Variants in FAM234A observed in about 807,000 individuals in gnomAD.
The protein encoded by FAM234A is family with sequence similarity 234 member A, also known as protein FAM234A.
A neutral mutation model predicts 49.1 loss-of-function variants in FAM234A; 42 were observed. The ratio of observed to expected loss-of-function variants is 0.86; its 90% CI spans 0.67 to 1.11. The LOEUF (loss-of-function observed/expected upper bound fraction) is 1.11, where lower values mean the gene tolerates loss of function less well. Ranked by LOEUF, FAM234A falls within the 50% of genes least tolerant of loss-of-function variation. FAM234A has a pLI of 0.00. For missense variants in FAM234A, 815 were observed against 745.2 expected, an observed-to-expected ratio of 1.09 and a Z score of -1.09; for synonymous variants, 369 against 316.2, an observed-to-expected ratio of 1.17 and a Z score of -1.77.
rs748208304 is a variant in FAM234A at position 261,421 on chromosome 16, G to A, written c.615G>A (p.Gly205=). Residue 205 remains glycine, a synonymous_variant, in exon 6 of 13, where the codon GGG becomes GGA. Coordinates refer to ENST00000399932, the MANE Select transcript of FAM234A (RefSeq NM_032039.4). ...TLWNHSSSFS[G]NASILSPLLQ... is the part of the protein sequence containing the mutation. ...GGAACCACAGCAGCAGCTTCAGCGG[G>A]AATGCGTCCATCCTGAGCCCTCTGC... 1.2e-6 allele frequency: 2 copies of A among 1,613,286 alleles called. No homozygotes were observed. Among genetic ancestry groups the A allele is most frequent in the Non-Finnish European group, 8.5e-7 (1 of 1,179,558 alleles).
In FAM234A at chr16:264,630, G is replaced by A. The variant is rs778697420; in HGVS notation, c.1361G>A (p.Arg454Gln). 24 of 1,610,488 alleles carry A rather than the reference G, an allele frequency of 1.5e-5. No individual in the cohort carries two copies. Among genetic ancestry groups the A allele is most frequent in the Admixed American group, 1.2e-4 (7 of 59,974 alleles). ...STSETETGEARHSLYMFHPTL... is the reference protein window; with the variant it reads ...STSETETGEAQHSLYMFHPTL... ...TCGCTCCAGGAGACCGGGGAGGCCC[G>A]GCACAGCCTGTACATGTTCCACCCC... The change falls in exon 12 of 13, where the codon CGG becomes CAG. Residue 454 changes from arginine to glutamine, a missense_variant. Coordinates refer to ENST00000399932, the MANE Select transcript of FAM234A (RefSeq NM_032039.4).
chr16:263,989 C>T (rs2051589633), intron 10 of FAM234A, 27 bp from the exon 11 acceptor site: 2 of 1,599,610 alleles, frequency 1.3e-6, no homozygotes, highest in Non-Finnish European at 8.5e-7. Flanking sequence ...CCCACGTTGG[C>T]CCCCACAGTG....
At chr16:252,185 GTTT>G (rs35208632) in intron 2 of FAM234A, among the ~76,000 whole-genome samples, 3 of 119,832 alleles carry the variant, frequency 2.5e-5, no homozygotes, top group Non-Finnish European at 3.4e-5. Flanking sequence ...TCTGTTTTTT[GTTT>G]TTTTTTTTTT....
At chr16:236,283 CTGAG>C (rs1274980601) in intron 1 of FAM234A, among the ~76,000 whole-genome samples, 3 of 151,800 alleles carry the variant, frequency 2.0e-5, no homozygotes, top group African/African-American at 4.8e-5. Flanking sequence ...CTCCACCCTC[CTGAG>C]TATCTGGGAC....
rs1181504685 is a variant in FAM234A at position 265,985 on chromosome 16, G to C, written c.*963G>C. The C allele has an allele frequency of 7.0e-5, 69 of 985,890 alleles. No homozygotes were observed. Among genetic ancestry groups the C allele is most frequent in the African/African-American group, 8.7e-5 (5 of 57,238 alleles). 61.1% of individuals were successfully genotyped at this position (985,890 alleles called of 1,614,324 possible). A position where few individuals can be genotyped will look rare whatever the true frequency, so the allele number is the denominator to read the frequency against. ...GGCCCAAGGGCAGCCATGGTGCTCT[G>C]TACTGCTCGGGCCGCCCAGGTCACA... On this transcript the variant is annotated 3_prime_UTR_variant, in exon 13 of 13. Coordinates refer to ENST00000399932, the MANE Select transcript of FAM234A (RefSeq NM_032039.4).
At chr16:251,059 C>T (rs769354919) in intron 2 of FAM234A, among the ~76,000 whole-genome samples, 2 of 152,160 alleles carry the variant, frequency 1.3e-5, no homozygotes, top group South Asian at 2.1e-4. Context: ...CGGGTTCAAG[C>T]GATTCTCCTG....
intron 3 of FAM234A, among the ~76,000 whole-genome samples, chr16:255,705 C>G (rs1167718605): frequency 6.6e-6 from 1 of 152,112 alleles, no homozygotes; most frequent in Non-Finnish European, 1.5e-5. Context: ...CTCTTGTTGC[C>G]CAGGCTGGAG....
intron 1 of FAM234A, among the ~76,000 whole-genome samples, chr16:241,646 G>A (rs1194932169): frequency 1.3e-5 from 2 of 151,932 alleles, no homozygotes; most frequent in African/African-American, 2.4e-5. Context: ...GGCCGGGCGC[G>A]GTGGCTCAGG....
At position 240,663 on chromosome 16, in the gene FAM234A, G is replaced by A. The variant is rs924219054; in HGVS notation, c.-140+5806G>A. On this transcript the variant is annotated intron_variant, in intron 1 of 12. Coordinates refer to ENST00000399932, the MANE Select transcript of FAM234A (RefSeq NM_032039.4). Reference sequence around the variant, plus strand: ...GACTACAGGCGCGTGCCACCACGCCGGCTAATTTTTGTACTTTTAGTAGAG... The same window carrying A: ...GACTACAGGCGCGTGCCACCACGCCAGCTAATTTTTGTACTTTTAGTAGAG... Among the ~76,000 whole-genome samples, 15 of 151,972 alleles carry A rather than the reference G, an allele frequency of 9.9e-5. 1 individual carries two copies. The highest frequency in any genetic ancestry group is 5.3e-4 in the Admixed American group (8 of 15,238).
downstream of FAM234A, chr16:269,181 C>A (rs2051800609): frequency 9.1e-7 from 1 of 1,099,748 alleles, no homozygotes; most frequent in South Asian, 1.3e-5. Context: ...TCAGCAGCCC[C>A]CAGGACCTGG....
rs1309014116 is a variant in FAM234A at position 254,294 on chromosome 16, A to G, written c.-33-87A>G. 1.3e-5 allele frequency: 14 copies of G among 1,115,358 alleles called. No homozygotes were observed. The Admixed American group carries it at 2.5e-4, about 20-fold the overall frequency. 69.1% of individuals were successfully genotyped at this position (1,115,358 alleles called of 1,614,324 possible). A position where few individuals can be genotyped will look rare whatever the true frequency, so the allele number is the denominator to read the frequency against. On this transcript the variant is annotated intron_variant, in intron 2 of 12. Coordinates refer to ENST00000399932, the MANE Select transcript of FAM234A (RefSeq NM_032039.4). ...TAGTTAGAGCTGCAGCCAGTCCCCA[A>G]GAAGCCGACGCCAGCAGACCCCTCT...
chr16:240,725 C>T (rs1365216900), intron 1 of FAM234A, among the ~76,000 whole-genome samples: 1 of 152,090 alleles, frequency 6.6e-6, no homozygotes, highest in East Asian at 1.9e-4. Flanking sequence ...TGGTCTCGCA[C>T]TCCTGACCTC....
chr16:234,903 G>T (rs991756425), intron 1 of FAM234A, 46 bp downstream of exon 1: 1 of 152,256 alleles, frequency 6.6e-6, no homozygotes, highest in African/African-American at 2.4e-5. Context: ...CCGCAGGGGC[G>T]CCGCAGGCCG....
downstream of FAM234A, among the ~76,000 whole-genome samples, chr16:266,863 G>A (rs981067384): frequency 6.6e-6 from 1 of 152,112 alleles, no homozygotes; most frequent in African/African-American, 2.4e-5. Flanking sequence ...AGGTTCACTG[G>A]GGTTGCAAGA....
At chr16:260,908 G>A in intron 5 of FAM234A, 1 of 325,136 alleles carries the variant, frequency 3.1e-6, no homozygotes, top group Admixed American at 4.1e-5. Flanking sequence ...CTCCATTCTT[G>A]CCTTCTATGT....
At chr16:263,133 T>C in intron 8 of FAM234A, 129 bp from the exon 9 acceptor site, 3 of 1,158,728 alleles carry the variant, frequency 2.6e-6, no homozygotes, top group Non-Finnish European at 3.7e-6. Flanking sequence ...CTTTTCAAGC[T>C]GTAGAACTGA....
At chr16:259,744 A>G (rs1357447892) in intron 4 of FAM234A, 145 bp downstream of exon 4, 1 of 740,526 alleles carries the variant, frequency 1.4e-6, no homozygotes, top group Non-Finnish European at 2.3e-6. Context: ...GGCAGACCAG[A>G]AAGAGGCCTG....
At position 247,531 on chromosome 16, in the gene FAM234A, C is replaced by G. The variant is rs376344991; in HGVS notation, c.-139-2018C>G. Among the ~76,000 whole-genome samples the G allele has an allele frequency of 9.7e-4, 148 of 151,834 alleles. 3 individuals are homozygous for G. Among genetic ancestry groups the G allele is most frequent in the African/African-American group, 3.5e-3 (145 of 41,222 alleles). ...GACTGCAACCTCTGCCTCCCAGGTT[C>G]AAACAATTCTCCTGCCCTTGACTCC... On this transcript the variant is annotated intron_variant, in intron 1 of 12. Coordinates refer to ENST00000399932, the MANE Select transcript of FAM234A (RefSeq NM_032039.4).
intron 2 of FAM234A, among the ~76,000 whole-genome samples, chr16:251,118 A>G (rs1009280690): frequency 4.6e-5 from 7 of 152,084 alleles, no homozygotes; most frequent in Non-Finnish European, 8.8e-5. Flanking sequence ...CACCATGCCC[A>G]TCTAGTTTTT....
Sources: gnomAD v4.1 joint callset for allele counts (sites outside exome capture counted in the v4.1 genomes callset) on GRCh38, gnomAD v4.1.1 for gene constraint, MANE v1.5 for transcripts, NCBI Gene and HGNC (gene_info 2026-07-23, HGNC 2026-07-21) for gene names.